Variants in RNFT2 observed in about 807,000 individuals in gnomAD.
RNFT2 encodes the protein ring finger protein, transmembrane 2.
In RNFT2, 36 loss-of-function variants were observed where a neutral mutation model predicts 53.0. The observed-to-expected ratio is 0.68, with a 90% CI of 0.52 to 0.90. The LOEUF (loss-of-function observed/expected upper bound fraction) is 0.90, where lower values mean the gene tolerates loss of function less well. RNFT2 is among the 40% of genes least tolerant of loss of function. The pLI, the probability that RNFT2 is intolerant of heterozygous loss-of-function variation, is 0.00. For synonymous variants in RNFT2, 260 were observed against 253.2 expected (o/e 1.03, Z -0.26); for missense variants, 514 against 585.6 (o/e 0.88, Z 1.26).
chr12:116,797,520 A>C (rs918133765), intron 7 of RNFT2, among the ~76,000 whole-genome samples: 1 of 149,726 alleles, frequency 6.7e-6, no homozygotes, highest in Non-Finnish European at 1.5e-5. Flanking sequence ...ATGCCACTGC[A>C]CTCCAGCCTG....
chr12:116,743,677 G>A lies in RNFT2; in HGVS notation c.83+2583G>A, dbSNP rs568253674. Among the ~76,000 whole-genome samples, 10 of 152,274 alleles carry A rather than the reference G, an allele frequency of 6.6e-5. No homozygotes were observed. In the East Asian group the frequency reaches 1.7e-3, roughly 26 times the overall value. On this transcript the variant is annotated intron_variant, in intron 3 of 10. Coordinates refer to ENST00000257575, the MANE Select transcript of RNFT2 (RefSeq NM_001382266.1). ...CTGTCCTAGCACATACATCCAAGGG[G>A]CGGGCAGCCAAGCCTTCCCTTCCTC...
chr12:116,751,025 C>T (rs1872228962), intron 4 of RNFT2, among the ~76,000 whole-genome samples: 1 of 150,556 alleles, frequency 6.6e-6, no homozygotes, highest in South Asian at 2.1e-4. Flanking sequence ...GGTTATCCTC[C>T]CACCTCAGCC....
chr12:116,813,949 C>G (rs1875511265), intron 7 of RNFT2, among the ~76,000 whole-genome samples: 1 of 152,106 alleles, frequency 6.6e-6, no homozygotes, highest in Non-Finnish European at 1.5e-5. Flanking sequence ...TAAACAGGAC[C>G]ATACCTTTAA....
In RNFT2 at chr12:116,852,988, G is replaced by T. The variant is rs920614039; in HGVS notation, c.*3540G>T. 1.7e-5 allele frequency: 9 copies of T among 514,520 alleles called. No individual in the cohort carries two copies. The highest frequency in any genetic ancestry group is 2.7e-5 in the Non-Finnish European group (8 of 294,972). 31.9% of individuals were successfully genotyped at this position (514,520 alleles called of 1,614,324 possible). A position where few individuals can be genotyped will look rare whatever the true frequency, so the allele number is the denominator to read the frequency against. On this transcript the variant is annotated 3_prime_UTR_variant, in exon 11 of 11. Coordinates refer to ENST00000257575, the MANE Select transcript of RNFT2 (RefSeq NM_001382266.1). ...TAACACTGTAAAGAATGTAACATGTGGGGGACACACAGGGGCAGATGGGAT... is the reference window on the plus strand; with the variant it reads ...TAACACTGTAAAGAATGTAACATGTTGGGGACACACAGGGGCAGATGGGAT...
intron 5 of RNFT2, among the ~76,000 whole-genome samples, chr12:116,762,033 C>T (rs1454862558): frequency 2.0e-5 from 3 of 149,744 alleles, no homozygotes; most frequent in Non-Finnish European, 4.4e-5. Flanking sequence ...CACCACCACC[C>T]TCCAACCCGG....
At chr12:116,788,594 A>G (rs1874046985) in intron 7 of RNFT2, among the ~76,000 whole-genome samples, 1 of 152,060 alleles carries the variant, frequency 6.6e-6, no homozygotes. Flanking sequence ...GTTTGTTTAA[A>G]TGTCTGCCTT....
In RNFT2 at chr12:116,851,808, G is replaced by GC. The variant is rs1877943957; in HGVS notation, c.*2360_*2361insC. On this transcript the variant is annotated 3_prime_UTR_variant, in exon 11 of 11. Coordinates refer to ENST00000257575, the MANE Select transcript of RNFT2 (RefSeq NM_001382266.1). ...GAAGGAAGGAAGGAAAGAAAGAAAG[G>GC]TCAGCTTTGGCCCAGATGTGGTTAC... The GC allele has an allele frequency of 8.8e-6, 9 of 1,019,694 alleles. No individual in the cohort carries two copies. In the Middle Eastern group the frequency reaches 7.8e-4, roughly 89 times the overall value. 63.2% of individuals were successfully genotyped at this position (1,019,694 alleles called of 1,614,324 possible).
intron 5 of RNFT2, chr12:116,755,365 CTTTTT>C (rs59801471): frequency 1.6e-6 from 1 of 626,540 alleles, no homozygotes; most frequent in Non-Finnish European, 2.8e-6. Flanking sequence ...GCCCAGAGGT[CTTTTT>C]TTTTTTTTTT....
At position 116,844,508 on chromosome 12, in the gene RNFT2, T is replaced by A. The variant is rs555209991; in HGVS notation, c.1201-4806T>A. On this transcript the variant is annotated intron_variant, in intron 10 of 10. Transcript: ENST00000257575. Reference sequence around the variant, plus strand: ...CCTTGGCCTCCCAAAGTGTTGGGATTACAGGCGTGAGCTACCGTGCCTGGC... The same window carrying A: ...CCTTGGCCTCCCAAAGTGTTGGGATAACAGGCGTGAGCTACCGTGCCTGGC... Among the ~76,000 whole-genome samples, 129 of 152,378 alleles carry A rather than the reference T, an allele frequency of 8.5e-4. 1 individual carries two copies. The highest frequency in any genetic ancestry group is 3.0e-3 in the African/African-American group (123 of 41,594).
Position 116,749,958 on chromosome 12 carries a change from C to T in RNFT2, c.201C>T (p.Leu67=), listed in dbSNP as rs949696277. 2 of 1,565,938 alleles carry T rather than the reference C, an allele frequency of 1.3e-6. No homozygotes were observed. Among genetic ancestry groups the T allele is most frequent in the Non-Finnish European group, 1.7e-6 (2 of 1,155,198 alleles). Residue 67 remains leucine, a synonymous_variant, in exon 4 of 11, where the codon CTC becomes CTT. Transcript: ENST00000257575. ...TCTTCTCGGGCTTATCAGGCAGCCT[C>T]CCCACCAGCTCGTTCCCCTCCAGCC... ...PALFSGLSGS[L]PTSSFPSSLV...
At chr12:116,766,742 TC>T in intron 5 of RNFT2, 71 bp from the exon 6 acceptor site, 1 of 1,154,368 alleles carries the variant, frequency 8.7e-7, no homozygotes, top group Non-Finnish European at 1.3e-6. Flanking sequence ...AAGCTGCCAG[TC>T]ATCAGGGTAC....
chr12:116,754,207 G>A, intron 5 of RNFT2, 147 bp downstream of exon 5: 2 of 659,312 alleles, frequency 3.0e-6, no homozygotes, highest in Non-Finnish European at 5.4e-6. Context: ...ATATCAGTGA[G>A]AACGTACAAT....
At chr12:116,848,291 G>C (rs1877720880) in intron 10 of RNFT2, among the ~76,000 whole-genome samples, 1 of 152,152 alleles carries the variant, frequency 6.6e-6, no homozygotes, top group African/African-American at 2.4e-5. Flanking sequence ...ATTGTGAATA[G>C]TGCTGCAGTG....
In RNFT2 at chr12:116,780,818, G is replaced by A. The variant is rs111797869; in HGVS notation, c.882+1470G>A. On this transcript the variant is annotated intron_variant, in intron 7 of 10. Transcript: ENST00000257575. ...TTGAGCTCATGCAGGGTTCCAGGTC[G>A]GCACCACGCACTTGACACTGGAAAG... Among the ~76,000 whole-genome samples, 302 of 152,196 alleles carry A rather than the reference G, an allele frequency of 2.0e-3. 4 individuals are homozygous for A. Among genetic ancestry groups the A allele is most frequent in the African/African-American group, 6.3e-3 (261 of 41,530 alleles).
intron 10 of RNFT2, among the ~76,000 whole-genome samples, chr12:116,843,926 AG>A (rs1377279353): frequency 2.0e-5 from 3 of 152,202 alleles, no homozygotes; most frequent in African/African-American, 7.2e-5. Context: ...GCTGGACAGT[AG>A]GAGTACGATA....
Position 116,743,237 on chromosome 12 carries a change from A to AAAAAAAAAAAAAAAAAAAAAAAAAAAT in RNFT2, c.83+2150_83+2151insAAAAAAAAAAAAAAAAAAATAAAAAAA, listed in dbSNP as rs1871719487. On this transcript the variant is annotated intron_variant, in intron 3 of 10. Transcript: ENST00000257575. ...CTAAAAAAAAAAAAAAAAAAAAAAA[A>AAAAAAAAAAAAAAAAAAAAAAAAAAAT]AAAAAAACCGGTTAAAAAACACTCA... 1.8e-5 allele frequency among the ~76,000 whole-genome samples: 2 copies of AAAAAAAAAAAAAAAAAAAAAAAAAAAT among 113,132 alleles called. 1 individual carries two copies. The highest frequency in any genetic ancestry group is 3.8e-5 in the Non-Finnish European group (2 of 52,254). The allele number at this position is 113,132 out of a possible 152,430, so 74.2% of individuals were successfully genotyped here. A position where few individuals can be genotyped will look rare whatever the true frequency, so the allele number is the denominator to read the frequency against.
rs142614320 is a variant in RNFT2 at position 116,788,133 on chromosome 12, G to A, written c.882+8785G>A. On this transcript the variant is annotated intron_variant, in intron 7 of 10. Transcript: ENST00000257575. ...GTAGAGATGGTGTTTCTCCATGTTGGTCAGGCTGGCCTCAAACTCCCAACC... is the reference window on the plus strand; with the variant it reads ...GTAGAGATGGTGTTTCTCCATGTTGATCAGGCTGGCCTCAAACTCCCAACC... Among the ~76,000 whole-genome samples the A allele has an allele frequency of 5.1e-3, 779 of 152,210 alleles. 2 individuals are homozygous for A. The highest frequency in any genetic ancestry group is 0.018 in the African/African-American group (731 of 41,536).
intron 6 of RNFT2, among the ~76,000 whole-genome samples, chr12:116,770,171 G>A (rs1873111721): frequency 1.3e-5 from 2 of 152,160 alleles, no homozygotes; most frequent in African/African-American, 4.8e-5. Context: ...TCCCAGTCCT[G>A]CAAGCTCCAG....
chr12:116,802,540 G>GTT (rs1874848460), intron 7 of RNFT2, among the ~76,000 whole-genome samples: 1 of 152,150 alleles, frequency 6.6e-6, no homozygotes, highest in Non-Finnish European at 1.5e-5. Flanking sequence ...TAAAACTGAA[G>GTT]TTAGTGTAAA....
Sources: gnomAD v4.1 joint callset for allele counts (sites outside exome capture counted in the v4.1 genomes callset) on GRCh38, gnomAD v4.1.1 for gene constraint, MANE v1.5 for transcripts, NCBI Gene and HGNC (gene_info 2026-07-23, HGNC 2026-07-21) for gene names.